CCSER2: variants seen among roughly 807,000 people sequenced by gnomAD.
The protein encoded by CCSER2 is coiled-coil serine rich protein 2, also known as serine-rich coiled-coil domain-containing protein 2.
CCSER2 carries 46 observed loss-of-function variants against 92.3 expected under a neutral mutation model. The ratio of observed to expected loss-of-function variants is 0.50; its 90% CI spans 0.39 to 0.64. The LOEUF is 0.64. CCSER2 is among the 30% of genes least tolerant of loss of function. The pLI is 0.00. For missense variants in CCSER2, 1,244 were observed against 1,238.9 expected, an observed-to-expected ratio of 1.00 and a Z score of -0.06; for synonymous variants, 433 against 431.4, an observed-to-expected ratio of 1.00 and a Z score of -0.04.
At chr10:84,382,756 A>G (rs1840984119) in intron 3 of CCSER2, among the ~76,000 whole-genome samples, 1 of 152,220 alleles carries the variant, frequency 6.6e-6, no homozygotes, top group Non-Finnish European at 1.5e-5. Context: ...CACTGAAAGT[A>G]TCTGGCTTTA....
chr10:84,486,372 T>C (rs1173435607), intron 9 of CCSER2, among the ~76,000 whole-genome samples: 1 of 152,228 alleles, frequency 6.6e-6, no homozygotes, highest in African/African-American at 2.4e-5. Flanking sequence ...AGTGTAAAAG[T>C]GTTCCTATTT....
At chr10:84,392,471 C>G (rs1444383895) in intron 3 of CCSER2, among the ~76,000 whole-genome samples, 1 of 151,690 alleles carries the variant, frequency 6.6e-6, no homozygotes, top group African/African-American at 2.4e-5. Context: ...TAAAGGAAAC[C>G]TAAGAATGGG....
intron 9 of CCSER2, among the ~76,000 whole-genome samples, chr10:84,492,746 G>C (rs569724965): frequency 2.0e-5 from 3 of 152,254 alleles, no homozygotes; most frequent in Non-Finnish European, 4.4e-5. Flanking sequence ...TCTTTAGCCT[G>C]TTGATTGCAC....
chr10:84,453,674 G>C (rs970991714), intron 6 of CCSER2, among the ~76,000 whole-genome samples: 8 of 152,124 alleles, frequency 5.3e-5, no homozygotes, highest in Non-Finnish European at 8.8e-5. Flanking sequence ...TCTGAGAGTA[G>C]TGTTAATCTC....
intron 2 of CCSER2, among the ~76,000 whole-genome samples, chr10:84,373,205 C>T (rs181519139): frequency 1.2e-3 from 187 of 152,044 alleles, no homozygotes; most frequent in African/African-American, 4.4e-3. Flanking sequence ...AAGAGACTGC[C>T]GGAACAAGTT....
At chr10:84,341,920 C>T (rs530091074) in intron 1 of CCSER2, among the ~76,000 whole-genome samples, 1 of 152,354 alleles carries the variant, frequency 6.6e-6, no homozygotes, top group East Asian at 1.9e-4. Flanking sequence ...TCTCTGTCCT[C>T]TCTGGGTGTA....
At chr10:84,406,307 C>G (rs531957948) in intron 3 of CCSER2, among the ~76,000 whole-genome samples, 1 of 152,104 alleles carries the variant, frequency 6.6e-6, no homozygotes, top group Non-Finnish European at 1.5e-5. Context: ...GGGACTTCTT[C>G]GAGGGTGAAG....
intron 6 of CCSER2, chr10:84,455,746 A>G: frequency 9.7e-7 from 1 of 1,030,392 alleles, no homozygotes; most frequent in Non-Finnish European, 1.5e-6. Context: ...GCACCTGCAC[A>G]TTCTCAGAGG....
intron 6 of CCSER2, among the ~76,000 whole-genome samples, chr10:84,458,323 T>G (rs1293823879): frequency 6.6e-6 from 1 of 152,212 alleles, no homozygotes; most frequent in East Asian, 1.9e-4. Flanking sequence ...TTTGCCTTTG[T>G]AATTTTGTCA....
intron 3 of CCSER2, among the ~76,000 whole-genome samples, chr10:84,401,590 A>G (rs370213913): frequency 3.3e-5 from 5 of 152,206 alleles, no homozygotes; most frequent in African/African-American, 7.2e-5. Context: ...TCACTGGCCA[A>G]TTTTACCAAA....
At chr10:84,477,390 A>G (rs1847211884) in intron 8 of CCSER2, among the ~76,000 whole-genome samples, 185 bp from the exon 9 acceptor site, 1 of 152,062 alleles carries the variant, frequency 6.6e-6, no homozygotes. Context: ...TTTTTTGTTG[A>G]TTTGGTTACA....
chr10:84,391,998 C>G, intron 3 of CCSER2: 1 of 1,327,366 alleles, frequency 7.5e-7, no homozygotes, highest in East Asian at 2.3e-5. Context: ...TTTCTCTGAC[C>G]AGTTTCCTCT....
intron 3 of CCSER2, among the ~76,000 whole-genome samples, chr10:84,385,033 A>ACACACACACACACACACACACACACACC (rs1491585087): frequency 6.6e-6 from 1 of 151,668 alleles, no homozygotes; most frequent in African/African-American, 2.4e-5. Flanking sequence ...ACACACACAC[A>ACACACACACACACACACACACACACACC]CCCAGGAATA....
chr10:84,340,905 G>T (rs982408972), intron 1 of CCSER2, among the ~76,000 whole-genome samples: 1 of 152,012 alleles, frequency 6.6e-6, no homozygotes, highest in East Asian at 1.9e-4. Flanking sequence ...GAGAAGGTCC[G>T]AGTCCACAAA....
At chr10:84,332,436 A>ATTTTTTTTTTTT (rs1187303667) in intron 1 of CCSER2, among the ~76,000 whole-genome samples, 3 of 55,208 alleles carry the variant, frequency 5.4e-5, no homozygotes, top group Non-Finnish European at 8.0e-5. Flanking sequence ...ATATATATAT[A>ATTTTTTTTTTTT]TTTTTTTTTT....
intron 5 of CCSER2, among the ~76,000 whole-genome samples, chr10:84,436,548 T>A (rs1006149643): frequency 1.4e-5 from 2 of 143,012 alleles, no homozygotes; most frequent in Non-Finnish European, 3.0e-5. Context: ...GGCAGAGGAA[T>A]GGCATGAATC....
rs766388091 is a variant in CCSER2, at chr10:84,513,599, C to T, written c.2476C>T (p.His826Tyr). 1.7e-4 allele frequency: 281 copies of T among 1,612,806 alleles called. No homozygotes were observed. The highest frequency in any genetic ancestry group is 2.3e-4 in the Non-Finnish European group (268 of 1,179,664). ...GGAHPEESFT[H>Y]VLHQESNYGL... The stretch of plus-strand genomic sequence containing the variant: ...TGCACATCCGGAAGAAAGCTTTACA[C>T]ACGTCTTGCACCAAGAAAGCAACTA... The change falls in exon 10 of 10, where the codon CAC becomes TAC. Residue 826 changes from histidine to tyrosine, a missense_variant. Transcript: ENST00000372088.
Position 84,465,518 on chromosome 10 carries a change from G to T in CCSER2, c.2148+1502G>T, listed in dbSNP as rs1167118312. On this transcript the variant is annotated intron_variant, in intron 7 of 9. Coordinates refer to ENST00000372088, the MANE Select transcript of CCSER2 (RefSeq NM_001284240.2). ...TTTTTATATTTTTAGTAGAGATGGG[G>T]TTTCACCATGTTGTCCAGGCTGGTC... Among the ~76,000 whole-genome samples the T allele has an allele frequency of 2.0e-5, 3 of 151,676 alleles. No individual in the cohort carries two copies. The East Asian group carries it at 5.8e-4, about 30-fold the overall frequency.
rs778372736 is a variant in CCSER2 at position 84,372,024 on chromosome 10, A to C, written c.972A>C (p.Lys324Asn). Residue 324 changes from lysine (K) to asparagine (N), a missense_variant, in exon 2 of 10, where the codon AAA becomes AAC. Transcript: ENST00000372088. ...GYRMVHPSLLKSSRSPFSGTM... is the reference protein window; with the variant it reads ...GYRMVHPSLLNSSRSPFSGTM... ...GAATGGTTCATCCCTCTCTACTGAA[A>C]TCTAGCCGATCTCCATTTTCTGGGA... 1 of 1,613,850 alleles carries C rather than the reference A, an allele frequency of 6.2e-7. No homozygotes were observed. Among genetic ancestry groups the C allele is most frequent in the Non-Finnish European group, 8.5e-7 (1 of 1,179,828 alleles).
Sources: allele counts gnomAD v4.1 joint callset (sites outside exome capture counted in the v4.1 genomes callset), GRCh38; gene constraint gnomAD v4.1.1; transcripts MANE v1.5; gene names NCBI Gene and HGNC (gene_info 2026-07-23, HGNC 2026-07-21).